The following EML4 variants were observed in gnomAD, a reference collection of about 807,000 sequenced individuals.
The protein encoded by EML4 is echinoderm microtubule-associated protein-like 4.
EML4 carries 72 observed loss-of-function variants against 129.0 expected under a neutral mutation model. That is an observed-to-expected ratio of 0.56 (90% CI 0.46 to 0.68). The LOEUF (loss-of-function observed/expected upper bound fraction) is 0.68, where lower values mean the gene tolerates loss of function less well. EML4 is among the 30% of genes least tolerant of loss of function. The probability of loss-of-function intolerance (pLI) is 0.00; values close to 1 mark genes in which losing one functional copy is unlikely to be tolerated. For missense variants in EML4, 1,363 were observed against 1,190.6 expected (o/e 1.14, Z -2.13); for synonymous variants, 532 against 405.0 (o/e 1.31, Z -3.77).
intron 11 of EML4, among the ~76,000 whole-genome samples, 170 bp from the exon 12 acceptor site, chr2:42,294,955 A>G (rs958273304): frequency 6.6e-6 from 1 of 152,220 alleles, no homozygotes; most frequent in African/African-American, 2.4e-5. Flanking sequence ...ATCAAATTTA[A>G]ATCATCCCAA....
intron 11 of EML4, among the ~76,000 whole-genome samples, chr2:42,290,505 T>A (rs1667577392): frequency 6.7e-6 from 1 of 149,540 alleles, no homozygotes. Flanking sequence ...GGCAGGAGGA[T>A]CACTTGAGTC....
chr2:42,265,803 T>C (rs909923129), intron 6 of EML4, among the ~76,000 whole-genome samples: 1 of 152,256 alleles, frequency 6.6e-6, no homozygotes, highest in Non-Finnish European at 1.5e-5. Context: ...TAAGTTTTTC[T>C]TTTATATTGA....
At position 42,290,178 on chromosome 2, in the gene EML4, G is replaced by A. The variant is rs988992718; in HGVS notation, c.1218+1856G>A. ...AAGAGAAAACCTCTAGTAAAGGTCA[G>A]AGGGAGATTTTGACTCAGAAATGAC... On this transcript the variant is annotated intron_variant, in intron 11 of 22. Transcript: ENST00000318522. Among the ~76,000 whole-genome samples the A allele has an allele frequency of 1.1e-4, 17 of 152,260 alleles. No homozygotes were observed. The East Asian group carries it at 3.3e-3, about 29-fold the overall frequency.
intron 6 of EML4, among the ~76,000 whole-genome samples, chr2:42,268,731 C>T (rs914216517): frequency 4.6e-5 from 7 of 152,204 alleles, no homozygotes; most frequent in Admixed American, 1.3e-4. Context: ...AGCCGCCGCA[C>T]CTGGCCTACA....
intron 1 of EML4, chr2:42,170,322 A>G (rs1349163258): frequency 6.6e-6 from 1 of 152,194 alleles, no homozygotes; most frequent in Non-Finnish European, 1.5e-5. Flanking sequence ...GTGTTGGGGG[A>G]CCCTCTTTAA....
At chr2:42,275,642 A>G (rs2104441257) in intron 6 of EML4, among the ~76,000 whole-genome samples, 1 of 152,338 alleles carries the variant, frequency 6.6e-6, no homozygotes, top group East Asian at 1.9e-4. Flanking sequence ...AAGAATATTT[A>G]TGTTGTTTGA....
At chr2:42,224,474 C>G (rs1333018199) in intron 1 of EML4, among the ~76,000 whole-genome samples, 1 of 152,064 alleles carries the variant, frequency 6.6e-6, no homozygotes, top group Non-Finnish European at 1.5e-5. Context: ...TGGGTTATTT[C>G]TACTTTTTGG....
chr2:42,248,872 T>C lies in EML4; in HGVS notation c.208+3185T>C, dbSNP rs143126225. Among the ~76,000 whole-genome samples the C allele has an allele frequency of 1.0e-3, 155 of 152,304 alleles. 1 individual carries two copies. Among genetic ancestry groups the C allele is most frequent in the African/African-American group, 3.7e-3 (153 of 41,580 alleles). On this transcript the variant is annotated intron_variant, in intron 2 of 22. Coordinates refer to ENST00000318522, the MANE Select transcript of EML4 (RefSeq NM_019063.5). Reference sequence around the variant, plus strand: ...ATAATTATTTCATAGATGAGCATAATTCATGTTAATTACTGTATTTTCCTT... The same window carrying C: ...ATAATTATTTCATAGATGAGCATAACTCATGTTAATTACTGTATTTTCCTT...
intron 1 of EML4, among the ~76,000 whole-genome samples, chr2:42,212,986 T>C (rs1254066341): frequency 2.6e-5 from 4 of 152,220 alleles, no homozygotes; most frequent in South Asian, 2.1e-4. Context: ...TAAGTCACTT[T>C]CCAAAATTAT....
intron 1 of EML4, among the ~76,000 whole-genome samples, chr2:42,242,969 G>T (rs1412359905): frequency 2.0e-5 from 3 of 152,040 alleles, no homozygotes; most frequent in Admixed American, 6.6e-5. Flanking sequence ...GTAGACATGG[G>T]TTCTCACTAC....
At chr2:42,297,493 G>T (rs976813991) in intron 13 of EML4, among the ~76,000 whole-genome samples, 1 of 152,184 alleles carries the variant, frequency 6.6e-6, no homozygotes, top group Non-Finnish European at 1.5e-5. Flanking sequence ...ATCCAATCTT[G>T]TAAATTGCTG....
At chr2:42,184,300 T>C (rs1049813159) in intron 1 of EML4, among the ~76,000 whole-genome samples, 1 of 152,100 alleles carries the variant, frequency 6.6e-6, no homozygotes, top group Non-Finnish European at 1.5e-5. Context: ...TTGTTACATA[T>C]GTATACATGT....
chr2:42,244,559 A>T (rs973213338), intron 1 of EML4, among the ~76,000 whole-genome samples: 3 of 152,208 alleles, frequency 2.0e-5, no homozygotes, highest in Non-Finnish European at 4.4e-5. Context: ...TAAGGCAAAT[A>T]TTAAGTATTT....
chr2:42,312,718 T>C (rs1247524136), intron 17 of EML4, among the ~76,000 whole-genome samples: 2 of 151,718 alleles, frequency 1.3e-5, no homozygotes, highest in East Asian at 3.9e-4. Context: ...CATGCCTGGC[T>C]AATTTTTTGT....
At chr2:42,189,226 A>G (rs1671441049) in intron 1 of EML4, among the ~76,000 whole-genome samples, 1 of 152,128 alleles carries the variant, frequency 6.6e-6, no homozygotes, top group South Asian at 2.1e-4. Flanking sequence ...AGCACCTGAA[A>G]TTATATTCAT....
intron 1 of EML4, among the ~76,000 whole-genome samples, chr2:42,196,817 GGA>G (rs1671921794): frequency 1.3e-5 from 2 of 152,150 alleles, no homozygotes; most frequent in Non-Finnish European, 2.9e-5. Flanking sequence ...AGAGAGACTG[GGA>G]GAGTTTTCTG....
chr2:42,237,982 C>G (rs1674780777), intron 1 of EML4, among the ~76,000 whole-genome samples: 1 of 152,136 alleles, frequency 6.6e-6, no homozygotes, highest in Non-Finnish European at 1.5e-5. Flanking sequence ...AAAAAACAAC[C>G]AGTTGTCCAT....
intron 6 of EML4, among the ~76,000 whole-genome samples, chr2:42,265,743 C>G (rs566025186): frequency 6.6e-6 from 1 of 152,286 alleles, no homozygotes; most frequent in Non-Finnish European, 1.5e-5. Context: ...TCACTCATTT[C>G]TTGATGCTAA....
At chr2:42,223,311 A>G (rs1052902627) in intron 1 of EML4, among the ~76,000 whole-genome samples, 1 of 152,072 alleles carries the variant, frequency 6.6e-6, no homozygotes, top group African/African-American at 2.4e-5. Context: ...GCAGTTCACA[A>G]ATGCACCACT....
Sources: allele counts gnomAD v4.1 joint callset (sites outside exome capture counted in the v4.1 genomes callset), GRCh38; gene constraint gnomAD v4.1.1; transcripts MANE v1.5; gene names NCBI Gene and HGNC (gene_info 2026-07-23, HGNC 2026-07-21).